The following LRRC59 variants were observed in gnomAD, a reference collection of about 807,000 sequenced individuals.
The protein encoded by LRRC59 is leucine-rich repeat-containing protein 59.
Under a neutral mutation model 33.5 loss-of-function variants are expected in LRRC59, and 18 were observed. The observed-to-expected ratio is 0.54, with a 90% CI of 0.37 to 0.80. The LOEUF (loss-of-function observed/expected upper bound fraction) is 0.80. LRRC59 is among the 30% of genes least tolerant of loss of function. The probability of loss-of-function intolerance (pLI) is 0.00; values close to 1 mark genes in which losing one functional copy is unlikely to be tolerated. For missense variants in LRRC59, 330 were observed against 391.9 expected, an observed-to-expected ratio of 0.84 and a Z score of 1.33; for synonymous variants, 138 against 160.0, an observed-to-expected ratio of 0.86 and a Z score of 1.04.
intron 2 of LRRC59, among the ~76,000 whole-genome samples, chr17:50,394,398 G>A (rs921419722): frequency 6.6e-6 from 1 of 152,190 alleles, no homozygotes; most frequent in African/African-American, 2.4e-5. Context: ...AAAAGGATTT[G>A]ATCATGGATT....
intron 2 of LRRC59, among the ~76,000 whole-genome samples, chr17:50,394,425 T>G (rs143152793): frequency 6.6e-6 from 1 of 152,230 alleles, no homozygotes; most frequent in Non-Finnish European, 1.5e-5. Flanking sequence ...GCTGACCACA[T>G]TGAGCAAATC....
chr17:50,385,326 TCA>T (rs1272552119), intron 5 of LRRC59, 35 bp from the exon 6 acceptor site: 28 of 1,603,168 alleles, frequency 1.7e-5, no homozygotes, highest in Non-Finnish European at 2.2e-5. Context: ...GACTTCTCTC[TCA>T]CAAACACTCC....
intron 4 of LRRC59, among the ~76,000 whole-genome samples, chr17:50,390,155 G>T (rs1914110344): frequency 6.6e-6 from 1 of 151,666 alleles, no homozygotes. Context: ...CAGAGTTAGG[G>T]CTCAGGGCAC....
At chr17:50,397,130 T>C (rs773704336) in intron 1 of LRRC59, 83 bp downstream of exon 1, 1 of 1,043,638 alleles carries the variant, frequency 9.6e-7, no homozygotes, top group South Asian at 1.7e-5. Context: ...CTGATGCTTT[T>C]AGAGAAGAGG....
intron 1 of LRRC59, 56 bp from the exon 2 acceptor site, chr17:50,395,044 G>A: frequency 8.3e-7 from 1 of 1,212,034 alleles, no homozygotes; most frequent in Non-Finnish European, 1.2e-6. Context: ...ACAATTCACT[G>A]ACATATGTTA....
chr17:50,395,519 T>C (rs1914251603), intron 1 of LRRC59, among the ~76,000 whole-genome samples: 1 of 152,222 alleles, frequency 6.6e-6, no homozygotes, highest in Non-Finnish European at 1.5e-5. Context: ...AATTTCCATA[T>C]TCCCCAGTTC....
chr17:50,384,825 T>C (rs913991437), intron 6 of LRRC59, among the ~76,000 whole-genome samples: 1 of 151,826 alleles, frequency 6.6e-6, no homozygotes, highest in African/African-American at 2.4e-5. Flanking sequence ...TCAATGATTT[T>C]AGACCCTCAC....
intron 1 of LRRC59, chr17:50,396,174 G>A (rs1199227501): frequency 1.3e-5 from 2 of 152,190 alleles, no homozygotes; most frequent in Non-Finnish European, 2.9e-5. Flanking sequence ...ACCTAAAAAA[G>A]TTTTAAATAC....
intron 1 of LRRC59, among the ~76,000 whole-genome samples, chr17:50,395,610 G>A (rs1258570627): frequency 6.6e-6 from 1 of 152,044 alleles, no homozygotes; most frequent in Non-Finnish European, 1.5e-5. Flanking sequence ...CGGAGTGAAT[G>A]ACAGAGTGAA....
intron 3 of LRRC59, 50 bp from the exon 4 acceptor site, chr17:50,392,552 T>C (rs746727326): frequency 5.9e-6 from 9 of 1,517,608 alleles, no homozygotes; most frequent in South Asian, 1.1e-5. Context: ...CGAGTTCACA[T>C]ACATAGTCCC....
At position 50,392,834 on chromosome 17, in the gene LRRC59, G is replaced by A; in HGVS notation, c.229C>T (p.Leu77=). The A allele has an allele frequency of 6.2e-7, 1 of 1,614,068 alleles. No homozygotes were observed. The highest frequency in any genetic ancestry group is 8.5e-7 in the Non-Finnish European group (1 of 1,179,964). Residue 77 remains leucine, a synonymous_variant, in exon 3 of 7, where the codon CTG becomes TTG. Coordinates refer to ENST00000225972, the MANE Select transcript of LRRC59 (RefSeq NM_018509.4). The part of the protein sequence containing the change: ...LDLSKNKLQQ[L]PADFGRLVNL... ...ACCAGACGGCCAAAGTCTGCTGGCA[G>A]CTGCTGCAGCTTGTTCTTACTCAGG...
In LRRC59 at chr17:50,388,135, G is replaced by C; in HGVS notation, c.430-3C>G. The C allele has an allele frequency of 6.2e-7, 1 of 1,614,104 alleles. No individual in the cohort carries two copies. The highest frequency in any genetic ancestry group is 8.5e-7 in the Non-Finnish European group (1 of 1,179,942). ...ACGGCCTTCATGTGCTGTAACACCTGCAAAGGAAAAGGAGGAAAGTAGTGC... is the reference window on the plus strand; with the variant it reads ...ACGGCCTTCATGTGCTGTAACACCTCCAAAGGAAAAGGAGGAAAGTAGTGC... On this transcript the variant is annotated splice_region_variant and splice_polypyrimidine_tract_variant and intron_variant, in intron 4 of 6. Transcript: ENST00000225972.
At chr17:50,394,867 C>T (rs555597984) in intron 2 of LRRC59, 62 bp downstream of exon 2, 31 of 1,265,514 alleles carry the variant, frequency 2.4e-5, no homozygotes, top group African/African-American at 2.1e-4. Context: ...TCTCAACCCC[C>T]GAAACAGGAA....
In LRRC59 at chr17:50,392,742, G is replaced by C; in HGVS notation, c.321C>G (p.Leu107=). The C allele has an allele frequency of 6.2e-7, 1 of 1,614,094 alleles. No homozygotes were observed. The highest frequency in any genetic ancestry group is 8.5e-7 in the Non-Finnish European group (1 of 1,179,962). Residue 107 remains leucine, a synonymous_variant, in exon 3 of 7, where the codon CTC becomes CTG. Coordinates refer to ENST00000225972, the MANE Select transcript of LRRC59 (RefSeq NM_018509.4). The part of the protein sequence containing the change: ...LVTLPVSFAQ[L]KNLKWLDLKD... ...ACACTGGTTCATGAATTGTTACCTT[G>C]AGCTGAGCAAAGCTGACAGGCAAGG...
At chr17:50,387,573 G>A (rs1914039839) in intron 5 of LRRC59, among the ~76,000 whole-genome samples, 1 of 152,202 alleles carries the variant, frequency 6.6e-6, no homozygotes, top group Non-Finnish European at 1.5e-5. Context: ...GAGACATGCT[G>A]GAAGGCATTG....
chr17:50,387,325 A>G (rs1397125115), intron 5 of LRRC59, among the ~76,000 whole-genome samples: 1 of 152,232 alleles, frequency 6.6e-6, no homozygotes, highest in Non-Finnish European at 1.5e-5. Flanking sequence ...GGTGTACTCA[A>G]GCTGAAGTTA....
chr17:50,386,597 G>GA (rs1302645304), intron 5 of LRRC59, among the ~76,000 whole-genome samples: 1 of 152,198 alleles, frequency 6.6e-6, no homozygotes, highest in African/African-American at 2.4e-5. Flanking sequence ...AGAATGCCAA[G>GA]AACACACTCC....
chr17:50,392,325 G>A (rs1914164860), intron 4 of LRRC59, 73 bp downstream of exon 4: 2 of 1,231,614 alleles, frequency 1.6e-6, no homozygotes, highest in Non-Finnish European at 2.4e-6. Flanking sequence ...AGGTGCCCTA[G>A]GAGGGAAAAA....
chr17:50,395,366 A>AAAC (rs1914246911), intron 1 of LRRC59, among the ~76,000 whole-genome samples: 1 of 151,616 alleles, frequency 6.6e-6, no homozygotes, highest in African/African-American at 2.4e-5. Context: ...CAAAAAAAAA[A>AAAC]AAAAAGAAAG....
Sources: gnomAD v4.1 joint callset for allele counts (sites outside exome capture counted in the v4.1 genomes callset) on GRCh38, gnomAD v4.1.1 for gene constraint, MANE v1.5 for transcripts, NCBI Gene and HGNC (gene_info 2026-07-23, HGNC 2026-07-21) for gene names.